Variants in DMTF1 observed in about 807,000 individuals in gnomAD.
The protein encoded by DMTF1 is cyclin-D-binding Myb-like transcription factor 1.
Under a neutral mutation model 91.1 loss-of-function variants are expected in DMTF1, and 39 were observed. That is an observed-to-expected ratio of 0.43 (90% CI 0.33 to 0.56). DMTF1 has a LOEUF of 0.56. DMTF1 is among the 20% of genes least tolerant of loss of function. DMTF1 has a pLI of 0.05. For synonymous variants in DMTF1, 338 were observed against 309.5 expected (o/e 1.09, Z -0.97); for missense variants, 750 against 914.5 (o/e 0.82, Z 2.32).
chr7:87,177,030 T>C (rs938007635), intron 7 of DMTF1, among the ~76,000 whole-genome samples: 2 of 152,264 alleles, frequency 1.3e-5, no homozygotes, highest in Admixed American at 6.5e-5. Flanking sequence ...GGTTTAATCA[T>C]TGGCAAAATT....
chr7:87,195,227 G>C lies in DMTF1; in HGVS notation c.*87G>C. ...AAAGAAATAGGAGCAACCCCCAAGAGGCTTAATTTACCAATTTAAATAGCC... is the reference window on the plus strand; with the variant it reads ...AAAGAAATAGGAGCAACCCCCAAGACGCTTAATTTACCAATTTAAATAGCC... On this transcript the variant is annotated 3_prime_UTR_variant, in exon 18 of 18. Transcript: ENST00000331242. 1 of 916,448 alleles carries C rather than the reference G, an allele frequency of 1.1e-6. No homozygotes were observed. The highest frequency in any genetic ancestry group is 2.4e-5 in the Admixed American group (1 of 41,614). The allele number at this position is 916,448 out of a possible 1,614,324, so 56.8% of individuals were successfully genotyped here.
At chr7:87,163,048 A>G (rs1232627007) in intron 1 of DMTF1, 1 of 152,070 alleles carries the variant, frequency 6.6e-6, no homozygotes, top group Non-Finnish European at 1.5e-5. Flanking sequence ...TGAATAGGGT[A>G]CTATATAATT....
intron 14 of DMTF1, chr7:87,192,824 T>TC (rs1800181019): frequency 5.9e-6 from 1 of 169,486 alleles, no homozygotes; most frequent in Non-Finnish European, 1.3e-5. Context: ...GAAAAAGTGT[T>TC]CAAGTAAACA....
intron 4 of DMTF1, among the ~76,000 whole-genome samples, chr7:87,169,589 C>T (rs1457908196): frequency 1.3e-5 from 2 of 152,134 alleles, no homozygotes; most frequent in African/African-American, 4.8e-5. Flanking sequence ...CTTAAACTTA[C>T]TCCAGTCAAG....
Position 87,193,832 on chromosome 7 carries a change from A to G in DMTF1, c.1758A>G (p.Gln586=). The change falls in exon 16 of 18, where the codon CAA becomes CAG. Residue 586 remains glutamine, a synonymous_variant. Coordinates refer to ENST00000331242, the MANE Select transcript of DMTF1 (RefSeq NM_001142327.2). The part of the protein sequence containing the change: ...ATEDITSSIS[Q]AELTVDSDIQ... ...AGGACATCACTTCTTCCATATCCCA[A>G]GCAGAACTGACAGTCGATAGTGATA... 6.2e-7 allele frequency: 1 copy of G among 1,613,382 alleles called. No homozygotes were observed. The highest frequency in any genetic ancestry group is 8.5e-7 in the Non-Finnish European group (1 of 1,179,604).
intron 8 of DMTF1, 172 bp from the exon 9 acceptor site, chr7:87,181,137 G>T: frequency 2.4e-6 from 1 of 424,228 alleles, no homozygotes. Flanking sequence ...GGCGTGAGCC[G>T]CACCCTGCCT....
At chr7:87,184,806 C>CTTT in intron 11 of DMTF1, 181 bp downstream of exon 11, 3 of 615,698 alleles carry the variant, frequency 4.9e-6, no homozygotes, top group Non-Finnish European at 8.8e-6. Flanking sequence ...GTGTTTGTTC[C>CTTT]TTTTTTTTTT....
chr7:87,162,536 C>T (rs904218737), intron 1 of DMTF1, among the ~76,000 whole-genome samples: 1 of 152,128 alleles, frequency 6.6e-6, no homozygotes, highest in Non-Finnish European at 1.5e-5. Flanking sequence ...TATGAAAAAT[C>T]GTTGGGAAGT....
At chr7:87,154,898 C>G (rs1226897278) in intron 1 of DMTF1, among the ~76,000 whole-genome samples, 1 of 152,096 alleles carries the variant, frequency 6.6e-6, no homozygotes, top group African/African-American at 2.4e-5. Context: ...AAAAAACTTG[C>G]CTTTACCTCC....
chr7:87,195,198 C>G lies in DMTF1; in HGVS notation c.*58C>G. 1 of 1,262,226 alleles carries G rather than the reference C, an allele frequency of 7.9e-7. No homozygotes were observed. The highest frequency in any genetic ancestry group is 1.1e-6 in the Non-Finnish European group (1 of 873,698). 78.2% of individuals were successfully genotyped at this position (1,262,226 alleles called of 1,614,324 possible). On this transcript the variant is annotated 3_prime_UTR_variant, in exon 18 of 18. Transcript: ENST00000331242. ...GAAGGCACACTGTTAATTACAACCT[C>G]TTCAAAGAAATAGGAGCAACCCCCA...
chr7:87,179,379 T>G (rs1796889700), intron 7 of DMTF1, among the ~76,000 whole-genome samples, 166 bp from the exon 8 acceptor site: 1 of 152,168 alleles, frequency 6.6e-6, no homozygotes, highest in South Asian at 2.1e-4. Flanking sequence ...TTTGTATCTC[T>G]TGCATCATCT....
rs1305868336 is a variant in DMTF1 at position 87,194,096 on chromosome 7, T to A, written c.2022T>A (p.Val674=). The part of the protein sequence containing the change: ...ESPSDLASAY[V]TEGLESPTIE... ...CCTCTGATTTAGCCAGTGCTTATGT[T>A]ACTGAGGTAAGTTGTACTTTAAGAA... is the stretch of plus-strand genomic sequence containing the variant. The change falls in exon 16 of 18, where the codon GTT becomes GTA. Residue 674 remains valine (V), a synonymous_variant. Coordinates refer to ENST00000331242, the MANE Select transcript of DMTF1 (RefSeq NM_001142327.2). 6.3e-7 allele frequency: 1 copy of A among 1,581,034 alleles called. No individual in the cohort carries two copies. Among genetic ancestry groups the A allele is most frequent in the Non-Finnish European group, 8.6e-7 (1 of 1,164,136 alleles).
chr7:87,162,898 A>G (rs1476769015), intron 1 of DMTF1: 1 of 151,154 alleles, frequency 6.6e-6, no homozygotes, highest in Non-Finnish European at 1.5e-5. Flanking sequence ...AAACCATTTC[A>G]TATTTCATAA....
intron 5 of DMTF1, 57 bp downstream of exon 5, chr7:87,171,146 T>G: frequency 8.3e-7 from 1 of 1,203,290 alleles, no homozygotes; most frequent in South Asian, 1.3e-5. Flanking sequence ...ATTGCTTAGC[T>G]AATAAAATGA....
intron 4 of DMTF1, among the ~76,000 whole-genome samples, chr7:87,167,007 T>G (rs1793980828): frequency 1.3e-5 from 2 of 152,168 alleles, no homozygotes; most frequent in South Asian, 4.1e-4. Flanking sequence ...AAGAACCATA[T>G]TTGCCCTCAT....
At chr7:87,154,573 C>T (rs983214431) in intron 1 of DMTF1, 1 of 152,596 alleles carries the variant, frequency 6.6e-6, no homozygotes, top group Non-Finnish European at 1.5e-5. Flanking sequence ...TAAGTTCATA[C>T]GTTGCAGTTA....
In DMTF1 at chr7:87,186,429, C is replaced by T. The variant is rs116048072; in HGVS notation, c.1201+449C>T. 978 of 154,370 alleles carry T rather than the reference C, an allele frequency of 6.3e-3. 6 individuals are homozygous for T. The highest frequency in any genetic ancestry group is 0.021 in the African/African-American group (875 of 41,482). 9.6% of individuals were successfully genotyped at this position (154,370 alleles called of 1,614,324 possible). ...ACCACCATGTCCAGCTATTTTTTTTCGTAGAGATGAGGTCTTGCCATGTTA... is the reference window on the plus strand; with the variant it reads ...ACCACCATGTCCAGCTATTTTTTTTTGTAGAGATGAGGTCTTGCCATGTTA... On this transcript the variant is annotated intron_variant, in intron 12 of 17. Coordinates refer to ENST00000331242, the MANE Select transcript of DMTF1 (RefSeq NM_001142327.2).
In DMTF1 at chr7:87,194,069, A is replaced by G. The variant is rs778376750; in HGVS notation, c.1995A>G (p.Ser665=). The G allele has an allele frequency of 4.4e-6, 7 of 1,607,704 alleles. No homozygotes were observed. Among genetic ancestry groups the G allele is most frequent in the Admixed American group, 1.7e-5 (1 of 59,402 alleles). The change falls in exon 16 of 18, where the codon TCA becomes TCG. Residue 665 remains serine (S), a synonymous_variant. Transcript: ENST00000331242. ...ISDTDLKQEE[S]PSDLASAYVT... is the part of the protein sequence containing the mutation. ...ACACCGACCTTAAACAAGAGGAATC[A>G]CCCTCTGATTTAGCCAGTGCTTATG...
intron 13 of DMTF1, among the ~76,000 whole-genome samples, chr7:87,188,837 T>C (rs575596433): frequency 1.3e-5 from 2 of 152,220 alleles, no homozygotes; most frequent in Admixed American, 6.5e-5. Context: ...AACCCAGCCA[T>C]TGTTAGAGTG....
Sources: allele counts gnomAD v4.1 joint callset (sites outside exome capture counted in the v4.1 genomes callset), GRCh38; gene constraint gnomAD v4.1.1; transcripts MANE v1.5; gene names NCBI Gene and HGNC (gene_info 2026-07-23, HGNC 2026-07-21).